Variants in SLC25A13 observed in about 807,000 individuals in gnomAD.
The protein encoded by SLC25A13 is solute carrier family 25 member 13, also known as electrogenic aspartate/glutamate antiporter SLC25A13, mitochondrial.
In SLC25A13, 70 loss-of-function variants were observed where a neutral mutation model predicts 85.5. That is an observed-to-expected ratio of 0.82 (90% CI 0.68 to 1.00). The LOEUF is 1.00. Among genes scored for constraint, SLC25A13 ranks in the 50% least tolerant of loss-of-function variants. The probability of loss-of-function intolerance (pLI) is 0.00; values close to 1 mark genes in which losing one functional copy is unlikely to be tolerated. For synonymous variants in SLC25A13, 259 were observed against 288.7 expected (o/e 0.90, Z 1.04); for missense variants, 765 against 819.8 (o/e 0.93, Z 0.82).
At chr7:96,283,401 C>A in intron 2 of SLC25A13, 1 of 401,460 alleles carries the variant, frequency 2.5e-6, no homozygotes. Flanking sequence ...AATATATGTT[C>A]TGTAGGCCTT....
At chr7:96,245,314 AG>A (rs1180545933) in intron 3 of SLC25A13, among the ~76,000 whole-genome samples, 1 of 152,152 alleles carries the variant, frequency 6.6e-6, no homozygotes, top group Admixed American at 6.5e-5. Context: ...TGAGATGAGG[AG>A]AATCTGCCCC....
intron 3 of SLC25A13, among the ~76,000 whole-genome samples, chr7:96,271,397 A>G (rs960194292): frequency 6.6e-6 from 1 of 152,242 alleles, no homozygotes; most frequent in Non-Finnish European, 1.5e-5. Flanking sequence ...AGTTTTTGCA[A>G]CTAAAAGGTT....
At chr7:96,140,162 T>G (rs1311110104) in intron 14 of SLC25A13, among the ~76,000 whole-genome samples, 4 of 150,124 alleles carry the variant, frequency 2.7e-5, no homozygotes, top group South Asian at 4.2e-4. Flanking sequence ...GTTTCACCGT[T>G]TTAGCCGGGA....
intron 3 of SLC25A13, among the ~76,000 whole-genome samples, chr7:96,254,257 C>A (rs1372437133): frequency 6.6e-6 from 1 of 152,136 alleles, no homozygotes; most frequent in Non-Finnish European, 1.5e-5. Flanking sequence ...CCACTGAGGT[C>A]CTGAATAAAC....
rs553276671 is a variant in SLC25A13, at chr7:96,243,527, G to C, written c.213-8610C>G. Among the ~76,000 whole-genome samples, 5 of 152,214 alleles carry C rather than the reference G, an allele frequency of 3.3e-5. No homozygotes were observed. The East Asian group carries it at 9.7e-4, about 29-fold the overall frequency. ...TACTCTATTTCATTGGTCTGTAGAG[G>C]GGCCTAAACACTCATTTGGTTTTTT... On this transcript the variant is annotated intron_variant, in intron 3 of 17. Coordinates refer to ENST00000265631, the MANE Select transcript of SLC25A13 (RefSeq NM_014251.3).
chr7:96,122,097 C>A lies in SLC25A13; in HGVS notation c.1592-100G>T, dbSNP rs1035588750. The A allele has an allele frequency of 3.0e-5, 45 of 1,511,972 alleles. No homozygotes were observed. The South Asian group carries it at 4.8e-4, about 16-fold the overall frequency. The allele number at this position is 1,511,972 out of a possible 1,614,324, so 93.7% of individuals were successfully genotyped here. ...TGGCCGTGGAAAGAAAGTTAAAAAT[C>A]CGATTCAATAAAATGCCTATTTTGC... On this transcript the variant is annotated intron_variant, in intron 15 of 17. Transcript: ENST00000265631.
At chr7:96,124,534 C>T (rs942258444) in intron 15 of SLC25A13, among the ~76,000 whole-genome samples, 8 of 152,236 alleles carry the variant, frequency 5.3e-5, no homozygotes, top group Admixed American at 2.0e-4. Flanking sequence ...TGCTTCTGAA[C>T]GCTATTTAAA....
At position 96,120,466 on chromosome 7, in the gene SLC25A13, A is replaced by G; in HGVS notation, c.*725T>C. 2 of 454,490 alleles carry G rather than the reference A, an allele frequency of 4.4e-6. No homozygotes were observed. The highest frequency in any genetic ancestry group is 1.6e-5 in the South Asian group (1 of 64,474). 28.2% of individuals were successfully genotyped at this position (454,490 alleles called of 1,614,324 possible). A position where few individuals can be genotyped will look rare whatever the true frequency, so the allele number is the denominator to read the frequency against. On this transcript the variant is annotated 3_prime_UTR_variant, in exon 18 of 18. Coordinates refer to ENST00000265631, the MANE Select transcript of SLC25A13 (RefSeq NM_014251.3). Reference sequence around the variant, plus strand: ...AGGCAGTAATCAGTACATGTACATCATATGAGCAGTTTTTCAAAATTAGCA... The same window carrying G: ...AGGCAGTAATCAGTACATGTACATCGTATGAGCAGTTTTTCAAAATTAGCA...
intron 14 of SLC25A13, among the ~76,000 whole-genome samples, chr7:96,145,035 G>A (rs1356954549): frequency 6.6e-6 from 1 of 152,090 alleles, no homozygotes; most frequent in Non-Finnish European, 1.5e-5. Context: ...TCAATGCTAT[G>A]CCTCATGACA....
chr7:96,276,835 T>C (rs1239398935), intron 3 of SLC25A13, among the ~76,000 whole-genome samples: 2 of 152,164 alleles, frequency 1.3e-5, no homozygotes, highest in Non-Finnish European at 2.9e-5. Context: ...TATAGAAAAG[T>C]AACGTTCATA....
At chr7:96,275,062 T>G (rs914682018) in intron 3 of SLC25A13, among the ~76,000 whole-genome samples, 2 of 152,230 alleles carry the variant, frequency 1.3e-5, no homozygotes, top group African/African-American at 4.8e-5. Flanking sequence ...ATTGGTAGCT[T>G]GATGGGGATG....
intron 14 of SLC25A13, among the ~76,000 whole-genome samples, chr7:96,146,093 A>C (rs575489957): frequency 2.0e-5 from 3 of 152,322 alleles, no homozygotes; most frequent in South Asian, 4.1e-4. Context: ...TTGGTTTTGT[A>C]ATCATTCTGA....
At chr7:96,134,940 T>C (rs557614364) in intron 14 of SLC25A13, among the ~76,000 whole-genome samples, 4 of 151,982 alleles carry the variant, frequency 2.6e-5, no homozygotes, top group Admixed American at 1.3e-4. Context: ...TGTTAGGATA[T>C]GCAAGAAGTC....
chr7:96,120,570 G>C lies in SLC25A13; in HGVS notation c.*621C>G. On this transcript the variant is annotated 3_prime_UTR_variant, in exon 18 of 18. Coordinates refer to ENST00000265631, the MANE Select transcript of SLC25A13 (RefSeq NM_014251.3). Reference sequence around the variant, plus strand: ...AAAAGTACTTCCCTAAAGTACAAAGGCATTTCCCTAGTAGTCTTGGTACCA... The same window carrying C: ...AAAAGTACTTCCCTAAAGTACAAAGCCATTTCCCTAGTAGTCTTGGTACCA... The C allele has an allele frequency of 2.2e-6, 1 of 454,420 alleles. No individual in the cohort carries two copies. Among genetic ancestry groups the C allele is most frequent in the Middle Eastern group, 6.9e-4 (1 of 1,444 alleles). 28.1% of individuals were successfully genotyped at this position (454,420 alleles called of 1,614,324 possible).
intron 3 of SLC25A13, among the ~76,000 whole-genome samples, chr7:96,256,049 C>T (rs190418333): frequency 1.9e-4 from 29 of 152,182 alleles, no homozygotes; most frequent in Non-Finnish European, 2.8e-4. Flanking sequence ...ACCACCAGGC[C>T]GGCCTTACAA....
At chr7:96,283,312 G>T in intron 2 of SLC25A13, 1 of 250,678 alleles carries the variant, frequency 4.0e-6, no homozygotes, top group Non-Finnish European at 8.2e-6. Flanking sequence ...TTGTAGTAGG[G>T]TTCCTTTCAG....
intron 2 of SLC25A13, among the ~76,000 whole-genome samples, chr7:96,286,455 T>C (rs1798890235): frequency 6.6e-6 from 1 of 152,092 alleles, no homozygotes; most frequent in African/African-American, 2.4e-5. Context: ...TATGTGTTGT[T>C]TTCTTTGCCT....
intron 2 of SLC25A13, among the ~76,000 whole-genome samples, chr7:96,284,969 T>C (rs573808531): frequency 6.6e-6 from 1 of 152,198 alleles, no homozygotes; most frequent in South Asian, 2.1e-4. Context: ...TCCCTCTCAC[T>C]TTCTCTATTA....
intron 14 of SLC25A13, among the ~76,000 whole-genome samples, chr7:96,145,163 G>A (rs1287859765): frequency 6.6e-6 from 1 of 152,014 alleles, no homozygotes; most frequent in East Asian, 1.9e-4. Flanking sequence ...AAAAACAGCA[G>A]GTTTATTCCT....
Sources: gnomAD v4.1 joint callset for allele counts (sites outside exome capture counted in the v4.1 genomes callset) on GRCh38, gnomAD v4.1.1 for gene constraint, MANE v1.5 for transcripts, NCBI Gene and HGNC (gene_info 2026-07-23, HGNC 2026-07-21) for gene names.